Variants in BZW2 observed in about 807,000 individuals in gnomAD.
BZW2 encodes eIF5-mimic protein 1.
BZW2 carries 23 observed loss-of-function variants against 53.2 expected under a neutral mutation model. The observed-to-expected ratio is 0.43, with a 90% CI of 0.31 to 0.61. BZW2 has a LOEUF of 0.61. Among genes scored for constraint, BZW2 ranks in the 20% least tolerant of loss-of-function variants. BZW2 has a pLI of 0.09. For synonymous variants in BZW2, 227 were observed against 186.4 expected, an observed-to-expected ratio of 1.22 and a Z score of -1.77; for missense variants, 409 against 503.1, an observed-to-expected ratio of 0.81 and a Z score of 1.79.
chr7:16,682,403 G>C (rs1021458855), intron 4 of BZW2, among the ~76,000 whole-genome samples: 6 of 152,124 alleles, frequency 3.9e-5, no homozygotes, highest in Non-Finnish European at 8.8e-5. Context: ...AGTAGAATCT[G>C]TCCTGCACTT....
chr7:16,678,086 T>G (rs546535455), intron 3 of BZW2, among the ~76,000 whole-genome samples: 1 of 144,550 alleles, frequency 6.9e-6, no homozygotes, highest in East Asian at 2.0e-4. Flanking sequence ...CTTCCATTGT[T>G]CTTTTTTTTT....
intron 2 of BZW2, among the ~76,000 whole-genome samples, chr7:16,673,091 G>C (rs1050979852): frequency 2.0e-5 from 3 of 151,896 alleles, no homozygotes; most frequent in Admixed American, 6.6e-5. Context: ...GACTAACAGG[G>C]GCCCGCCACC....
intron 3 of BZW2, among the ~76,000 whole-genome samples, chr7:16,677,171 C>T (rs1014559140): frequency 7.9e-5 from 12 of 151,930 alleles, no homozygotes; most frequent in African/African-American, 2.9e-4. Context: ...GTTTATATCC[C>T]AGTCATTATC....
intron 9 of BZW2, among the ~76,000 whole-genome samples, chr7:16,697,489 C>T (rs1783536450): frequency 6.6e-6 from 1 of 152,154 alleles, no homozygotes; most frequent in Non-Finnish European, 1.5e-5. Flanking sequence ...CAAGTTTGCA[C>T]CCAGCGTTCA....
intron 1 of BZW2, among the ~76,000 whole-genome samples, chr7:16,648,357 C>T (rs988280029): frequency 1.3e-5 from 2 of 152,208 alleles, no homozygotes; most frequent in Admixed American, 1.3e-4. Context: ...ATTATACCCA[C>T]TTTGCAAATA....
chr7:16,667,293 CA>C (rs574426507), intron 2 of BZW2, among the ~76,000 whole-genome samples: 24 of 124,046 alleles, frequency 1.9e-4, no homozygotes, highest in South Asian at 8.0e-4. Context: ...AAAAAAAAAA[CA>C]AAAAAAAAAA....
chr7:16,678,087 CTTTTTTTTTT>C (rs71007780), intron 3 of BZW2, among the ~76,000 whole-genome samples: 2 of 66,912 alleles, frequency 3.0e-5, no homozygotes, highest in Non-Finnish European at 5.8e-5. Context: ...TTCCATTGTT[CTTTTTTTTTT>C]TTTTTTTTTT....
intron 1 of BZW2, among the ~76,000 whole-genome samples, chr7:16,662,744 C>G (rs1782303415): frequency 6.6e-6 from 1 of 151,872 alleles, no homozygotes; most frequent in Non-Finnish European, 1.5e-5. Flanking sequence ...TAGTAACACC[C>G]TCATCTCTAA....
chr7:16,649,671 C>T (rs1423910289), intron 1 of BZW2, among the ~76,000 whole-genome samples: 1 of 151,950 alleles, frequency 6.6e-6, no homozygotes, highest in Admixed American at 6.6e-5. Context: ...TCTTTATTGA[C>T]TGGATATTTG....
chr7:16,699,318 C>T (rs1277345110), intron 10 of BZW2, among the ~76,000 whole-genome samples: 2 of 152,164 alleles, frequency 1.3e-5, no homozygotes, highest in Non-Finnish European at 2.9e-5. Context: ...CTAGGCCCCA[C>T]CCAATGATAC....
chr7:16,682,535 T>C (rs552154095), intron 4 of BZW2, among the ~76,000 whole-genome samples: 2 of 152,346 alleles, frequency 1.3e-5, no homozygotes, highest in South Asian at 4.1e-4. Context: ...TCGTCGAATT[T>C]TTTTTTCTAC....
At chr7:16,682,406 CTGCACTT>C (rs2128362066) in intron 4 of BZW2, among the ~76,000 whole-genome samples, 1 of 152,264 alleles carries the variant, frequency 6.6e-6, no homozygotes, top group South Asian at 2.1e-4. Context: ...AGAATCTGTC[CTGCACTT>C]TGCTCTCCTC....
At chr7:16,663,461 A>T (rs1255521912) in intron 1 of BZW2, among the ~76,000 whole-genome samples, 1 of 152,136 alleles carries the variant, frequency 6.6e-6, no homozygotes, top group African/African-American at 2.4e-5. Flanking sequence ...ACTTTTGATT[A>T]GTTTCTCTTC....
intron 2 of BZW2, among the ~76,000 whole-genome samples, chr7:16,667,636 A>G (rs1329881488): frequency 6.6e-6 from 1 of 152,254 alleles, no homozygotes; most frequent in Non-Finnish European, 1.5e-5. Flanking sequence ...AAGAGTCACT[A>G]GGAAGCAGTA....
chr7:16,647,830 C>T (rs1583693885), intron 1 of BZW2, among the ~76,000 whole-genome samples: 1 of 152,316 alleles, frequency 6.6e-6, no homozygotes, highest in East Asian at 1.9e-4. Flanking sequence ...CAGATGCATA[C>T]ACATAATTGG....
In BZW2 at chr7:16,691,592, A is replaced by G. The variant is rs1011498985; in HGVS notation, c.651+1686A>G. Among the ~76,000 whole-genome samples, 219 of 152,306 alleles carry G rather than the reference A, an allele frequency of 1.4e-3. 1 individual carries two copies. Among genetic ancestry groups the G allele is most frequent in the African/African-American group, 4.9e-3 (205 of 41,566 alleles). On this transcript the variant is annotated intron_variant, in intron 7 of 11. Coordinates refer to ENST00000258761, the MANE Select transcript of BZW2 (RefSeq NM_014038.3). ...AAGTACCTTAAAAACTCACCTATGG[A>G]CGCTGCCATGCCTGGCAATAGATTG... is the stretch of plus-strand genomic sequence containing the variant.
At chr7:16,686,931 A>G (rs977669226) in intron 6 of BZW2, 1 of 152,192 alleles carries the variant, frequency 6.6e-6, no homozygotes, top group Admixed American at 6.5e-5. Flanking sequence ...TATTAGTATT[A>G]TGACATTTTA....
At chr7:16,688,006 A>G (rs963961896) in intron 6 of BZW2, among the ~76,000 whole-genome samples, 3 of 151,768 alleles carry the variant, frequency 2.0e-5, no homozygotes, top group Non-Finnish European at 4.4e-5. Context: ...GGTGTAATGC[A>G]TGTTTTGTTG....
At chr7:16,698,005 C>T (rs1421425125) in intron 9 of BZW2, 43 bp from the exon 10 acceptor site, 1 of 1,611,816 alleles carries the variant, frequency 6.2e-7, no homozygotes, top group Admixed American at 1.7e-5. Context: ...GGCTCTGTAC[C>T]TCCCACGCAA....
Sources: allele counts gnomAD v4.1 joint callset (sites outside exome capture counted in the v4.1 genomes callset), GRCh38; gene constraint gnomAD v4.1.1; transcripts MANE v1.5; gene names NCBI Gene and HGNC (gene_info 2026-07-23, HGNC 2026-07-21).